Variants in GSG1L observed in about 807,000 individuals in gnomAD.
The protein encoded by GSG1L is GSG1 like, also known as germ cell-specific gene 1-like protein.
In GSG1L, 24 loss-of-function variants were observed where a neutral mutation model predicts 42.1. That is an observed-to-expected ratio of 0.57 (90% CI 0.41 to 0.80). The LOEUF is 0.80. Among genes scored for constraint, GSG1L ranks in the 30% least tolerant of loss-of-function variants. The pLI is 0.00. For synonymous variants in GSG1L, 215 were observed against 203.5 expected, an observed-to-expected ratio of 1.06 and a Z score of -0.48; for missense variants, 445 against 472.2, an observed-to-expected ratio of 0.94 and a Z score of 0.53.
rs150862832 is a variant in GSG1L, at chr16:27,926,976, C to T, written c.397+36180G>A. 6.6e-5 allele frequency among the ~76,000 whole-genome samples: 10 copies of T among 152,184 alleles called. No individual in the cohort carries two copies. The East Asian group carries it at 1.4e-3, about 21-fold the overall frequency. On this transcript the variant is annotated intron_variant, in intron 2 of 6. Coordinates refer to ENST00000447459, the MANE Select transcript of GSG1L (RefSeq NM_001109763.2). ...GTTTAGAAATATGTTCAGAGTTTGA[C>T]GCCAGAAGCCAAGCCCTTGACCTCT...
chr16:28,036,643 A>T (rs2086041659), intron 1 of GSG1L, among the ~76,000 whole-genome samples: 1 of 152,096 alleles, frequency 6.6e-6, no homozygotes, highest in African/African-American at 2.4e-5. Context: ...CAAATTCTCA[A>T]ATCCTAGTTT....
At chr16:27,854,937 T>G (rs1444739455) in intron 3 of GSG1L, among the ~76,000 whole-genome samples, 1 of 152,144 alleles carries the variant, frequency 6.6e-6, no homozygotes, top group Non-Finnish European at 1.5e-5. Context: ...CCTGCCCATC[T>G]CATCTCTACC....
intron 1 of GSG1L, among the ~76,000 whole-genome samples, chr16:27,997,988 T>C (rs2085537105): frequency 6.6e-6 from 1 of 150,868 alleles, no homozygotes; most frequent in African/African-American, 2.4e-5. Context: ...GCCTCCCAAA[T>C]AGCTGAGATT....
intron 4 of GSG1L, among the ~76,000 whole-genome samples, chr16:27,840,512 A>G (rs2083368479): frequency 6.6e-6 from 1 of 152,090 alleles, no homozygotes; most frequent in Non-Finnish European, 1.5e-5. Context: ...ATGGCGCCAA[A>G]AGGAGGAGTG....
At chr16:27,871,364 G>A (rs780325862) in intron 3 of GSG1L, among the ~76,000 whole-genome samples, 32 of 152,186 alleles carry the variant, frequency 2.1e-4, no homozygotes, top group Non-Finnish European at 4.1e-4. Context: ...ATTTGGGGCC[G>A]GGCGCAGTGG....
At chr16:27,842,219 T>TTC (rs2083393300) in intron 4 of GSG1L, among the ~76,000 whole-genome samples, 26 of 151,646 alleles carry the variant, frequency 1.7e-4, no homozygotes, top group East Asian at 5.8e-4. Context: ...TTGCGCGTGT[T>TTC]AAATTTCATA....
At chr16:28,054,458 G>A (rs1412947873) in intron 1 of GSG1L, among the ~76,000 whole-genome samples, 3 of 152,026 alleles carry the variant, frequency 2.0e-5, no homozygotes, top group East Asian at 1.9e-4. Context: ...GTGAAACTCC[G>A]TCTCTACTAA....
At chr16:27,997,217 G>A (rs7186121) in intron 1 of GSG1L, among the ~76,000 whole-genome samples, 49,126 of 151,164 alleles carry the variant, frequency 0.32, 10,795 homozygotes, top group African/African-American at 0.62. Context: ...GCCTTGACTC[G>A]TGGTTCCCAA....
intron 1 of GSG1L, among the ~76,000 whole-genome samples, chr16:28,018,076 A>G (rs1313054280): frequency 6.6e-6 from 1 of 152,226 alleles, no homozygotes; most frequent in Non-Finnish European, 1.5e-5. Flanking sequence ...AGCCCCAGAA[A>G]TATGATAGAG....
At chr16:27,830,398 C>T (rs980448776) in intron 4 of GSG1L, among the ~76,000 whole-genome samples, 2 of 152,162 alleles carry the variant, frequency 1.3e-5, no homozygotes, top group Admixed American at 1.3e-4. Flanking sequence ...ACTGCCTGCA[C>T]CCACTGCTTT....
chr16:28,013,529 C>T lies in GSG1L; in HGVS notation c.349+49547G>A, dbSNP rs557318934. Among the ~76,000 whole-genome samples the T allele has an allele frequency of 3.9e-5, 6 of 152,276 alleles. No individual in the cohort carries two copies. The South Asian group carries it at 1.2e-3, about 32-fold the overall frequency. The stretch of plus-strand genomic sequence containing the variant: ...TGCTTGGCAGGGAAATGTTACTAGA[C>T]CCTGTTGCCCACCACTCTCTGATTT... On this transcript the variant is annotated intron_variant, in intron 1 of 6. Transcript: ENST00000447459.
intron 2 of GSG1L, among the ~76,000 whole-genome samples, chr16:27,902,630 T>C (rs1173173391): frequency 6.6e-6 from 1 of 152,162 alleles, no homozygotes; most frequent in Non-Finnish European, 1.5e-5. Context: ...ATTAATTCAC[T>C]TTCAGCAGGG....
chr16:27,803,997 T>G (rs35366670), intron 6 of GSG1L, among the ~76,000 whole-genome samples: 1 of 149,956 alleles, frequency 6.7e-6, no homozygotes, highest in African/African-American at 2.5e-5. Flanking sequence ...GATTGACAGA[T>G]GAATAATAGA....
intron 1 of GSG1L, among the ~76,000 whole-genome samples, chr16:28,038,379 G>C (rs2086064604): frequency 6.6e-6 from 1 of 152,166 alleles, no homozygotes; most frequent in South Asian, 2.1e-4. Flanking sequence ...TGACATTCCA[G>C]GATCATGCTC....
At chr16:28,016,056 C>T (rs988897568) in intron 1 of GSG1L, among the ~76,000 whole-genome samples, 92 of 152,272 alleles carry the variant, frequency 6.0e-4, no homozygotes, top group African/African-American at 2.1e-3. Context: ...AGTGGCACAG[C>T]CTCGGCTCAC....
rs372937677 is a variant in GSG1L, at chr16:27,948,908, CTAT to C, written c.397+14245_397+14247del. Among the ~76,000 whole-genome samples the C allele has an allele frequency of 3.1e-4, 44 of 141,368 alleles. 1 individual carries two copies. In the South Asian group the frequency reaches 7.7e-3, roughly 25 times the overall value. The allele number at this position is 141,368 out of a possible 152,430, so 92.7% of individuals were successfully genotyped here. On this transcript the variant is annotated intron_variant, in intron 2 of 6. Transcript: ENST00000447459. ...ACAGGTGTGAACCACCGCACCTGAT[CTAT>C]TATTATTATTATTATTATTATTTTG...
intron 6 of GSG1L, among the ~76,000 whole-genome samples, chr16:27,806,867 G>A (rs1028080906): frequency 3.9e-5 from 6 of 152,198 alleles, no homozygotes; most frequent in African/African-American, 7.2e-5. Context: ...ACTGGGGTAA[G>A]CAAGGATATG....
intron 1 of GSG1L, among the ~76,000 whole-genome samples, chr16:27,983,355 A>T (rs944026197): frequency 1.3e-5 from 2 of 152,064 alleles, no homozygotes; most frequent in Non-Finnish European, 2.9e-5. Context: ...TAATAAAAAT[A>T]AAAATTAATA....
At chr16:28,006,295 T>TTTTTTTTATTTATTTA (rs374242585) in intron 1 of GSG1L, among the ~76,000 whole-genome samples, 1 of 148,968 alleles carries the variant, frequency 6.7e-6, no homozygotes, top group African/African-American at 2.5e-5. Context: ...CTTGATTGTA[T>TTTTTTTTATTTATTTA]TTTATTTATT....
Sources: gnomAD v4.1 joint callset for allele counts (sites outside exome capture counted in the v4.1 genomes callset) on GRCh38, gnomAD v4.1.1 for gene constraint, MANE v1.5 for transcripts, NCBI Gene and HGNC (gene_info 2026-07-23, HGNC 2026-07-21) for gene names.